Variants in WDFY4 observed in about 807,000 individuals in gnomAD.
WDFY4 encodes the protein WDFY family member 4.
WDFY4 carries 169 observed loss-of-function variants against 351.9 expected under a neutral mutation model. The ratio of observed to expected loss-of-function variants is 0.48; its 90% CI spans 0.42 to 0.55. The LOEUF is 0.55. WDFY4 is among the 20% of genes least tolerant of loss of function. The pLI is 0.00. For synonymous variants in WDFY4, 1,622 were observed against 1,574.6 expected, an observed-to-expected ratio of 1.03 and a Z score of -0.71; for missense variants, 3,803 against 3,935.6, an observed-to-expected ratio of 0.97 and a Z score of 0.90.
chr10:48,971,412 C>T (rs1451084823), intron 57 of WDFY4, among the ~76,000 whole-genome samples: 1 of 151,700 alleles, frequency 6.6e-6, no homozygotes, highest in African/African-American at 2.4e-5. Context: ...AGGAGAATGG[C>T]GTGAACCCGG....
At position 48,725,964 on chromosome 10, in the gene WDFY4, G is replaced by A. The variant is rs529013892; in HGVS notation, c.675G>A (p.Thr225=). 42 of 1,551,586 alleles carry A rather than the reference G, an allele frequency of 2.7e-5. No homozygotes were observed. The highest frequency in any genetic ancestry group is 4.8e-5 in the South Asian group (4 of 84,060). Residue 225 remains threonine, a synonymous_variant, in exon 6 of 62, where the codon ACG becomes ACA. Coordinates refer to ENST00000325239, the MANE Select transcript of WDFY4 (RefSeq NM_001394531.1). ...GSELQSLLIA[T]TCLREHSCCF... Reference sequence around the variant, plus strand: ...AGCTGCAGTCTCTGCTGATTGCCACGACCTGCCTTCGGGAGCACAGCTGCT... The same window carrying A: ...AGCTGCAGTCTCTGCTGATTGCCACAACCTGCCTTCGGGAGCACAGCTGCT...
chr10:48,721,980 C>T (rs866919060), intron 4 of WDFY4, among the ~76,000 whole-genome samples: 1 of 152,202 alleles, frequency 6.6e-6, no homozygotes, highest in Non-Finnish European at 1.5e-5. Flanking sequence ...CCATACCCAC[C>T]GCATGCCAGG....
chr10:48,774,012 G>A (rs1406443326), intron 13 of WDFY4, among the ~76,000 whole-genome samples: 1 of 152,170 alleles, frequency 6.6e-6, no homozygotes, highest in African/African-American at 2.4e-5. Context: ...CCCCCACAGA[G>A]GTGCAAGCCA....
chr10:48,848,040 C>G (rs894763728), intron 39 of WDFY4, among the ~76,000 whole-genome samples: 1 of 152,134 alleles, frequency 6.6e-6, no homozygotes, highest in Non-Finnish European at 1.5e-5. Flanking sequence ...ATCTCCATAG[C>G]AGAGAAAAGT....
intron 1 of WDFY4, among the ~76,000 whole-genome samples, chr10:48,698,473 T>C (rs995269665): frequency 5.9e-5 from 9 of 152,146 alleles, no homozygotes; most frequent in African/African-American, 1.9e-4. Context: ...AGCAGTGGCC[T>C]CCCGGAGGAA....
chr10:48,696,333 C>T (rs1232726617), intron 1 of WDFY4, among the ~76,000 whole-genome samples: 1 of 152,198 alleles, frequency 6.6e-6, no homozygotes, highest in Admixed American at 6.5e-5. Context: ...TCCTGAGTGG[C>T]CCACTCCTTG....
At chr10:48,859,674 A>G (rs1159560643) in intron 39 of WDFY4, among the ~76,000 whole-genome samples, 1 of 152,082 alleles carries the variant, frequency 6.6e-6, no homozygotes, top group African/African-American at 2.4e-5. Context: ...CTTTTTTCGT[A>G]CTGTTTGTCT....
At chr10:48,913,990 C>A (rs542180962) in intron 47 of WDFY4, 3 of 1,614,144 alleles carry the variant, frequency 1.9e-6, no homozygotes, top group Admixed American at 1.7e-5. Flanking sequence ...CGGCTAAGGT[C>A]CAGCTCGTCC....
intron 4 of WDFY4, among the ~76,000 whole-genome samples, 156 bp from the exon 5 acceptor site, chr10:48,723,277 A>G (rs1466459838): frequency 1.3e-5 from 2 of 151,908 alleles, no homozygotes; most frequent in Non-Finnish European, 2.9e-5. Flanking sequence ...CCCTAGGTGC[A>G]TCCTCTGGTT....
intron 43 of WDFY4, chr10:48,883,968 G>C (rs1397326696): frequency 6.6e-6 from 1 of 152,222 alleles, no homozygotes; most frequent in Admixed American, 6.5e-5. Context: ...GACTTGAGGA[G>C]TGACTGATTT....
rs1321421360 is a variant in WDFY4, at chr10:48,775,669, TA to T, written c.2769-42del. The T allele has an allele frequency of 2.0e-6, 3 of 1,517,724 alleles. No individual in the cohort carries two copies. The Admixed American group carries it at 5.9e-5, about 30-fold the overall frequency. The allele number at this position is 1,517,724 out of a possible 1,614,324, so 94.0% of individuals were successfully genotyped here. A position where few individuals can be genotyped will look rare whatever the true frequency, so the allele number is the denominator to read the frequency against. On this transcript the variant is annotated intron_variant, in intron 14 of 61. Transcript: ENST00000325239. Reference sequence around the variant, plus strand: ...GGATAAAGTTGGAGAACACTGTTGCTAGTAAAATGTCTTCATTTTTTCCTCT... The same window carrying T: ...GGATAAAGTTGGAGAACACTGTTGCTGTAAAATGTCTTCATTTTTTCCTCT...
chr10:48,790,268 G>T (rs1214499735), intron 22 of WDFY4, among the ~76,000 whole-genome samples: 1 of 152,224 alleles, frequency 6.6e-6, no homozygotes, highest in Non-Finnish European at 1.5e-5. Flanking sequence ...GTACAGTGGG[G>T]CTTTTAAGCA....
intron 47 of WDFY4, among the ~76,000 whole-genome samples, chr10:48,930,368 C>G (rs1349618118): frequency 6.6e-6 from 1 of 152,208 alleles, no homozygotes; most frequent in East Asian, 1.9e-4. Flanking sequence ...TGTGTACCCT[C>G]TTGGAGACAG....
At chr10:48,695,720 G>A (rs2063313892) in intron 1 of WDFY4, among the ~76,000 whole-genome samples, 1 of 152,078 alleles carries the variant, frequency 6.6e-6, no homozygotes, top group African/African-American at 2.4e-5. Context: ...CACAGGGACT[G>A]GGGCTTCTTG....
chr10:48,892,988 C>G (rs1044455870), intron 44 of WDFY4, among the ~76,000 whole-genome samples: 14 of 152,314 alleles, frequency 9.2e-5, no homozygotes, highest in African/African-American at 3.4e-4. Context: ...AACAAATGCA[C>G]ACACACAAAA....
At chr10:48,862,932 A>G (rs2069395794) in intron 39 of WDFY4, among the ~76,000 whole-genome samples, 1 of 152,242 alleles carries the variant, frequency 6.6e-6, no homozygotes, top group South Asian at 2.1e-4. Flanking sequence ...AACATTTCAT[A>G]TAAATGGAAT....
intron 39 of WDFY4, among the ~76,000 whole-genome samples, chr10:48,833,140 A>AGTGTGT (rs2068250413): frequency 7.2e-6 from 1 of 138,438 alleles, no homozygotes; most frequent in South Asian, 2.3e-4. Flanking sequence ...TGGCACCAAC[A>AGTGTGT]ATGTGTGTGT....
At chr10:48,818,938 G>C (rs1226961150) in intron 32 of WDFY4, among the ~76,000 whole-genome samples, 1 of 152,178 alleles carries the variant, frequency 6.6e-6, no homozygotes, top group Non-Finnish European at 1.5e-5. Flanking sequence ...GCTCCCCCTC[G>C]ACACTTCCCT....
At position 48,726,047 on chromosome 10, in the gene WDFY4, T is replaced by G; in HGVS notation, c.758T>G (p.Leu253Arg). The G allele has an allele frequency of 6.5e-7, 1 of 1,550,124 alleles. No individual in the cohort carries two copies. The highest frequency in any genetic ancestry group is 8.7e-7 in the Non-Finnish European group (1 of 1,145,802). ...VLRAISKAQN[L>R]SIIQYLQATD... ...AGGGCAATCTCCAAGGCCCAGAACCTCAGCATCATCCAGTACCTGCAGGGT... is the reference window on the plus strand; with the variant it reads ...AGGGCAATCTCCAAGGCCCAGAACCGCAGCATCATCCAGTACCTGCAGGGT... The change falls in exon 6 of 62, where the codon CTC becomes CGC. Residue 253 changes from leucine to arginine, a missense_variant. Leu to Arg is a moderately radical substitution (Grantham distance 102, BLOSUM62 -2). Transcript: ENST00000325239.
Sources: gnomAD v4.1 joint callset for allele counts (sites outside exome capture counted in the v4.1 genomes callset) on GRCh38, gnomAD v4.1.1 for gene constraint, MANE v1.5 for transcripts, NCBI Gene and HGNC (gene_info 2026-07-23, HGNC 2026-07-21) for gene names.